PITPNC1: variants seen among roughly 807,000 people sequenced by gnomAD.
PITPNC1 encodes phosphatidylinositol transfer protein cytoplasmic 1, also known as cytoplasmic phosphatidylinositol transfer protein 1.
In PITPNC1, 18 loss-of-function variants were observed where a neutral mutation model predicts 44.7. The observed-to-expected ratio is 0.40, with a 90% CI of 0.28 to 0.60. PITPNC1 has a LOEUF of 0.60. Among genes scored for constraint, PITPNC1 ranks in the 20% least tolerant of loss-of-function variants. PITPNC1 has a pLI of 0.39. For synonymous variants in PITPNC1, 141 were observed against 149.6 expected, an observed-to-expected ratio of 0.94 and a Z score of 0.42; for missense variants, 290 against 418.4, an observed-to-expected ratio of 0.69 and a Z score of 2.68.
chr17:67,536,964 A>G (rs1200070480), intron 2 of PITPNC1, among the ~76,000 whole-genome samples: 8 of 152,234 alleles, frequency 5.3e-5, no homozygotes, highest in Non-Finnish European at 5.9e-5. Context: ...GTGAACCTTG[A>G]TAACAACACT....
At chr17:67,379,431 C>T (rs2037924618) in intron 1 of PITPNC1, 1 of 946,196 alleles carries the variant, frequency 1.1e-6, no homozygotes, top group Non-Finnish European at 1.3e-6. Context: ...ATCAAAGTAG[C>T]TGCAAGTTTA....
intron 1 of PITPNC1, chr17:67,408,729 C>CTTTCTTTCTTTCTTT (rs1567978458): frequency 1.1e-4 from 14 of 131,274 alleles, no homozygotes; most frequent in Admixed American, 4.1e-4. Flanking sequence ...TTCCTTCCTT[C>CTTTCTTTCTTTCTTT]CTTTCTTTCT....
At chr17:67,554,961 T>C (rs2040816819) in intron 4 of PITPNC1, among the ~76,000 whole-genome samples, 1 of 152,216 alleles carries the variant, frequency 6.6e-6, no homozygotes, top group African/African-American at 2.4e-5. Context: ...TTAAATTTAT[T>C]TCATCCAAAG....
intron 1 of PITPNC1, chr17:67,456,923 T>C (rs2039261705): frequency 6.6e-6 from 1 of 152,174 alleles, no homozygotes; most frequent in Admixed American, 6.6e-5. Flanking sequence ...GTATAGAATC[T>C]CCCCTCAACC....
intron 1 of PITPNC1, among the ~76,000 whole-genome samples, chr17:67,522,872 G>A (rs1046820061): frequency 2.6e-5 from 4 of 151,836 alleles, no homozygotes; most frequent in South Asian, 4.2e-4. Flanking sequence ...ATCTCCCTAT[G>A]TTGTCCAGGG....
At chr17:67,578,070 T>G in intron 4 of PITPNC1, 116 bp from the exon 5 acceptor site, 2 of 743,156 alleles carry the variant, frequency 2.7e-6, no homozygotes, top group Admixed American at 4.0e-5. Context: ...ATCTTAACAT[T>G]TCTGTTCCGG....
chr17:67,628,609 C>A (rs1166582990), intron 5 of PITPNC1, among the ~76,000 whole-genome samples: 1 of 152,134 alleles, frequency 6.6e-6, no homozygotes, highest in Non-Finnish European at 1.5e-5. Context: ...TTGACCTGAG[C>A]CAGGGCTGGT....
intron 1 of PITPNC1, among the ~76,000 whole-genome samples, chr17:67,425,267 G>GCACACACACACT (rs2038746059): frequency 1.2e-5 from 1 of 85,290 alleles, no homozygotes; most frequent in Non-Finnish European, 2.6e-5. Context: ...ACACACAGAG[G>GCACACACACACT]GAGAGAGAGA....
chr17:67,580,160 T>C (rs1001274794), intron 5 of PITPNC1, among the ~76,000 whole-genome samples: 3 of 152,172 alleles, frequency 2.0e-5, no homozygotes, highest in Non-Finnish European at 2.9e-5. Flanking sequence ...GAAGTATGCT[T>C]CCCTATAATG....
At chr17:67,520,795 A>G (rs1454519554) in intron 1 of PITPNC1, among the ~76,000 whole-genome samples, 1 of 152,134 alleles carries the variant, frequency 6.6e-6, no homozygotes, top group Non-Finnish European at 1.5e-5. Context: ...TCTCTTAATC[A>G]TTCTTCATGG....
At chr17:67,421,218 A>G (rs553994676) in intron 1 of PITPNC1, among the ~76,000 whole-genome samples, 2 of 152,328 alleles carry the variant, frequency 1.3e-5, no homozygotes, top group African/African-American at 4.8e-5. Flanking sequence ...CATACAGCTC[A>G]TATAGAAGAC....
intron 1 of PITPNC1, among the ~76,000 whole-genome samples, chr17:67,421,869 T>C (rs528454325): frequency 5.0e-4 from 76 of 152,268 alleles, no homozygotes; most frequent in Non-Finnish European, 9.0e-4. Flanking sequence ...CACCAAATCC[T>C]TCCTTGATGG....
At chr17:67,588,611 C>T (rs990796347) in intron 5 of PITPNC1, among the ~76,000 whole-genome samples, 3 of 152,038 alleles carry the variant, frequency 2.0e-5, no homozygotes, top group African/African-American at 4.8e-5. Context: ...AAAAATAGAG[C>T]GTGTATAGAG....
At chr17:67,669,721 A>G (rs922054158) in intron 7 of PITPNC1, 58 bp downstream of exon 7, 62 of 1,245,494 alleles carry the variant, frequency 5.0e-5, no homozygotes, top group Non-Finnish European at 7.0e-5. Context: ...TATATTGCCA[A>G]ATTGGAGTCC....
chr17:67,652,902 G>A (rs2042224756), intron 6 of PITPNC1, among the ~76,000 whole-genome samples: 1 of 152,194 alleles, frequency 6.6e-6, no homozygotes. Flanking sequence ...GAACTTACTT[G>A]GGATAGGGTC....
intron 1 of PITPNC1, among the ~76,000 whole-genome samples, chr17:67,488,395 G>A (rs1346425866): frequency 6.6e-6 from 1 of 152,176 alleles, no homozygotes; most frequent in East Asian, 1.9e-4. Context: ...GGAGTTACAA[G>A]GCTCTGTAAC....
intron 1 of PITPNC1, among the ~76,000 whole-genome samples, chr17:67,518,419 A>G (rs900153905): frequency 2.0e-5 from 3 of 149,806 alleles, no homozygotes; most frequent in Admixed American, 1.3e-4. Context: ...TTAGTTTATC[A>G]GTGTTTAATC....
intron 1 of PITPNC1, among the ~76,000 whole-genome samples, chr17:67,416,029 C>T (rs1347188823): frequency 6.6e-6 from 1 of 151,966 alleles, no homozygotes; most frequent in East Asian, 1.9e-4. Flanking sequence ...GAAGGCATGG[C>T]ACTACCGCCG....
At chr17:67,575,402 G>T (rs1324853784) in intron 4 of PITPNC1, among the ~76,000 whole-genome samples, 1 of 152,116 alleles carries the variant, frequency 6.6e-6, no homozygotes, top group East Asian at 1.9e-4. Context: ...ATAATCGCAG[G>T]GCCTTGTTCT....
Sources: gnomAD v4.1 joint callset for allele counts (sites outside exome capture counted in the v4.1 genomes callset) on GRCh38, gnomAD v4.1.1 for gene constraint, MANE v1.5 for transcripts, NCBI Gene and HGNC (gene_info 2026-07-23, HGNC 2026-07-21) for gene names.